Variants in KAZN observed in about 807,000 individuals in gnomAD.
KAZN encodes kazrin.
KAZN carries 40 observed loss-of-function variants against 87.4 expected under a neutral mutation model. The observed-to-expected ratio is 0.46, with a 90% CI of 0.36 to 0.60. KAZN has a LOEUF of 0.60. KAZN is among the 20% of genes least tolerant of loss of function. The pLI, the probability that KAZN is intolerant of heterozygous loss-of-function variation, is 0.00. For synonymous variants in KAZN, 466 were observed against 458.3 expected (o/e 1.02, Z -0.22); for missense variants, 898 against 1,073.9 (o/e 0.84, Z 2.29).
intron 2 of KAZN, among the ~76,000 whole-genome samples, chr1:14,297,215 G>C (rs1654193160): frequency 6.6e-6 from 1 of 152,176 alleles, no homozygotes; most frequent in African/African-American, 2.4e-5. Flanking sequence ...TGTCCCTGAA[G>C]TTCTCTGAAT....
chr1:14,220,355 T>G (rs1647067681), intron 2 of KAZN, among the ~76,000 whole-genome samples: 1 of 152,210 alleles, frequency 6.6e-6, no homozygotes, highest in South Asian at 2.1e-4. Context: ...ACCCAATTAA[T>G]AGCTTCTCCG....
At chr1:14,129,594 G>A (rs1644948623) in intron 1 of KAZN, among the ~76,000 whole-genome samples, 1 of 152,206 alleles carries the variant, frequency 6.6e-6, no homozygotes, top group African/African-American at 2.4e-5. Flanking sequence ...GAGCTCAGAT[G>A]AGTCTTGGGG....
intron 2 of KAZN, among the ~76,000 whole-genome samples, chr1:14,389,092 A>T (rs1662200444): frequency 6.6e-6 from 1 of 152,256 alleles, no homozygotes; most frequent in Non-Finnish European, 1.5e-5. Context: ...AAGTAGGTAT[A>T]TGAAAAGGTG....
rs1309072696 is a variant in KAZN at position 14,530,123 on chromosome 1, A to G, written c.250-68860A>G. ...AAGCCAGTGATCCTGAACGGAAACC[A>G]GCAAAAAGGCAGAGGACAGTAGAGA... is the stretch of plus-strand genomic sequence containing the variant. On this transcript the variant is annotated intron_variant, in intron 2 of 16. Coordinates refer to the KAZN transcript ENST00000636203. Among the ~76,000 whole-genome samples, 4 of 152,208 alleles carry G rather than the reference A, an allele frequency of 2.6e-5. No homozygotes were observed. The East Asian group carries it at 7.7e-4, about 29-fold the overall frequency.
intron 8 of KAZN, among the ~76,000 whole-genome samples, chr1:15,076,063 G>A (rs1262091973): frequency 3.3e-5 from 5 of 152,178 alleles, no homozygotes; most frequent in Non-Finnish European, 4.4e-5. Context: ...CTGTGGAGGC[G>A]GTGTGGAGCC....
At chr1:14,367,328 C>G (rs1660090803) in intron 2 of KAZN, among the ~76,000 whole-genome samples, 1 of 152,146 alleles carries the variant, frequency 6.6e-6, no homozygotes, top group Non-Finnish European at 1.5e-5. Flanking sequence ...CAGCCAGACT[C>G]TTCTCTGAGG....
intron 2 of KAZN, among the ~76,000 whole-genome samples, chr1:14,573,981 T>A (rs1201730318): frequency 6.6e-6 from 1 of 152,184 alleles, no homozygotes; most frequent in Non-Finnish European, 1.5e-5. Flanking sequence ...TTCCTATTGA[T>A]CTAGTCAATT....
intron 2 of KAZN, among the ~76,000 whole-genome samples, chr1:15,027,087 T>C (rs1671245026): frequency 8.0e-6 from 1 of 124,410 alleles, no homozygotes; most frequent in Non-Finnish European, 1.7e-5. Context: ...TTTTTTTTTT[T>C]TTTTTTTTTT....
rs1643080349 is a variant in KAZN at position 14,068,016 on chromosome 1, C to G, written c.92-112419C>G. Among the ~76,000 whole-genome samples, 8 of 152,154 alleles carry G rather than the reference C, an allele frequency of 5.3e-5. No individual in the cohort carries two copies. In the South Asian group the frequency reaches 1.7e-3, roughly 32 times the overall value. ...CTGAATCAGTTAGCCCTTTTCAGAG[C>G]CGGAATACTTTGGCCAAGCCTGGAT... On this transcript the variant is annotated intron_variant, in intron 1 of 16. Coordinates refer to the KAZN transcript ENST00000636203.
At chr1:14,040,820 A>AAAATG (rs1307279934) in intron 1 of KAZN, among the ~76,000 whole-genome samples, 1 of 126,638 alleles carries the variant, frequency 7.9e-6, no homozygotes, top group Non-Finnish European at 1.9e-5. Flanking sequence ...AAAATAAAAT[A>AAAATG]GAAAAGAAAG....
intron 1 of KAZN, among the ~76,000 whole-genome samples, chr1:14,722,199 T>C (rs1307730998): frequency 1.3e-5 from 2 of 151,926 alleles, no homozygotes; most frequent in African/African-American, 4.8e-5. Flanking sequence ...TTGATCCACA[T>C]GGACATGGAG....
At chr1:14,645,306 A>G (rs1236692475) in intron 1 of KAZN, among the ~76,000 whole-genome samples, 1 of 152,128 alleles carries the variant, frequency 6.6e-6, no homozygotes, top group Non-Finnish European at 1.5e-5. Flanking sequence ...TTCCATATGA[A>G]TTCTAAAATA....
At chr1:14,905,942 G>A (rs1656498220) in intron 1 of KAZN, among the ~76,000 whole-genome samples, 1 of 150,074 alleles carries the variant, frequency 6.7e-6, no homozygotes, top group Non-Finnish European at 1.5e-5. Context: ...GCCAAGGAGG[G>A]CGGATCACGA....
At chr1:14,758,480 TA>T (rs1451271292) in intron 1 of KAZN, among the ~76,000 whole-genome samples, 2 of 103,240 alleles carry the variant, frequency 1.9e-5, no homozygotes, top group Non-Finnish European at 4.2e-5. Context: ...GCTAATTTTT[TA>T]ATTTTTTTTT....
chr1:14,385,815 G>A (rs1451695235), intron 2 of KAZN, among the ~76,000 whole-genome samples: 1 of 149,538 alleles, frequency 6.7e-6, no homozygotes, highest in Non-Finnish European at 1.5e-5. Flanking sequence ...GAGTTCTGTA[G>A]ATGTCTATTA....
chr1:14,392,735 T>C (rs1662560905), intron 2 of KAZN, among the ~76,000 whole-genome samples: 1 of 151,562 alleles, frequency 6.6e-6, no homozygotes, highest in Non-Finnish European at 1.5e-5. Flanking sequence ...AAATGTCCCC[T>C]GGGCGGAGGC....
chr1:14,000,531 GGC>G (rs1333027456), intron 1 of KAZN, among the ~76,000 whole-genome samples: 5 of 152,074 alleles, frequency 3.3e-5, no homozygotes, highest in Non-Finnish European at 1.5e-5. Flanking sequence ...CAATAAACTA[GGC>G]ATTGATGGAA....
chr1:14,234,888 T>C (rs897613534), intron 2 of KAZN, among the ~76,000 whole-genome samples: 1 of 152,248 alleles, frequency 6.6e-6, no homozygotes, highest in African/African-American at 2.4e-5. Flanking sequence ...GCTGCAATTC[T>C]ATCTGGTTGA....
intron 2 of KAZN, among the ~76,000 whole-genome samples, chr1:14,500,255 G>A (rs555543382): frequency 1.0e-3 from 152 of 152,164 alleles, no homozygotes; most frequent in Non-Finnish European, 1.8e-3. Context: ...ATCCTACGCT[G>A]GCATGTCAAA....
Sources: gnomAD v4.1 joint callset for allele counts (sites outside exome capture counted in the v4.1 genomes callset) on GRCh38, gnomAD v4.1.1 for gene constraint, MANE v1.5 for transcripts, NCBI Gene and HGNC (gene_info 2026-07-23, HGNC 2026-07-21) for gene names.